The following CDH13 variants were observed in gnomAD, a reference collection of about 807,000 sequenced individuals.
CDH13 encodes cadherin 13.
Under a neutral mutation model 63.8 loss-of-function variants are expected in CDH13, and 24 were observed. The observed-to-expected ratio is 0.38, with a 90% CI of 0.27 to 0.53. The LOEUF is 0.53. Among genes scored for constraint, CDH13 ranks in the 20% least tolerant of loss-of-function variants. The pLI is 0.85. For synonymous variants in CDH13, 503 were observed against 355.3 expected (o/e 1.42, Z -4.67); for missense variants, 1,049 against 903.1 (o/e 1.16, Z -2.07).
chr16:82,683,301 T>A (rs1914743417), intron 1 of CDH13, among the ~76,000 whole-genome samples: 2 of 152,180 alleles, frequency 1.3e-5, no homozygotes, highest in African/African-American at 4.8e-5. Context: ...CTTTCTAGCT[T>A]GTCTGCTTAT....
intron 1 of CDH13, among the ~76,000 whole-genome samples, chr16:82,632,860 G>GTTTTTCT (rs1908184880): frequency 6.6e-6 from 1 of 152,088 alleles, no homozygotes; most frequent in Non-Finnish European, 1.5e-5. Context: ...GCCACTAGAT[G>GTTTTTCT]GTCCCATCTG....
chr16:83,216,399 T>TAA (rs1567513758), intron 4 of CDH13, among the ~76,000 whole-genome samples: 16 of 36,242 alleles, frequency 4.4e-4, no homozygotes, highest in Non-Finnish European at 3.3e-4. Context: ...AGCATTGAAA[T>TAA]ATATATATAT....
chr16:83,373,200 C>T (rs2091403625), intron 6 of CDH13, among the ~76,000 whole-genome samples: 1 of 152,122 alleles, frequency 6.6e-6, no homozygotes, highest in South Asian at 2.1e-4. Context: ...AAGCAGACGG[C>T]ATGCTCAAAC....
chr16:83,646,430 G>C (rs1911801041), intron 8 of CDH13, among the ~76,000 whole-genome samples: 1 of 152,158 alleles, frequency 6.6e-6, no homozygotes, highest in South Asian at 2.1e-4. Context: ...GCCGGACCCA[G>C]TGGTTCACAC....
intron 1 of CDH13, among the ~76,000 whole-genome samples, chr16:82,661,834 T>A (rs749029512): frequency 3.3e-5 from 5 of 152,220 alleles, no homozygotes; most frequent in Non-Finnish European, 5.9e-5. Context: ...ATGGACACAA[T>A]TTAGGAACAA....
At chr16:82,733,054 T>C (rs1217036241) in intron 1 of CDH13, among the ~76,000 whole-genome samples, 6 of 152,236 alleles carry the variant, frequency 3.9e-5, no homozygotes, top group Admixed American at 3.9e-4. Context: ...TCCACAGGCA[T>C]ACTCTGCAAT....
chr16:83,061,044 T>C (rs992430975), intron 3 of CDH13, among the ~76,000 whole-genome samples: 1 of 152,172 alleles, frequency 6.6e-6, no homozygotes, highest in Non-Finnish European at 1.5e-5. Context: ...GCACAAAGAA[T>C]ATAGGAATAA....
At chr16:82,728,059 T>A (rs559495407) in intron 1 of CDH13, among the ~76,000 whole-genome samples, 1 of 152,196 alleles carries the variant, frequency 6.6e-6, no homozygotes, top group African/African-American at 2.4e-5. Flanking sequence ...GTCTGCTTCC[T>A]CTGGAAAATG....
intron 2 of CDH13, among the ~76,000 whole-genome samples, chr16:82,958,980 G>A (rs1409333262): frequency 2.0e-5 from 3 of 152,230 alleles, no homozygotes; most frequent in Admixed American, 6.5e-5. Flanking sequence ...AATTTACAAC[G>A]TGCTTAGACT....
intron 1 of CDH13, among the ~76,000 whole-genome samples, chr16:82,776,120 G>A (rs1173473956): frequency 6.6e-6 from 1 of 152,132 alleles, no homozygotes; most frequent in Non-Finnish European, 1.5e-5. Context: ...TGAGGCATGA[G>A]AATCGCTTGA....
intron 10 of CDH13, among the ~76,000 whole-genome samples, chr16:83,741,687 A>T (rs1045810811): frequency 6.6e-6 from 1 of 152,160 alleles, no homozygotes; most frequent in Non-Finnish European, 1.5e-5. Context: ...ATTGCCCAAT[A>T]TTACTTTATG....
At chr16:83,510,305 G>A (rs1229122819) in intron 7 of CDH13, among the ~76,000 whole-genome samples, 2 of 152,124 alleles carry the variant, frequency 1.3e-5, no homozygotes, top group African/African-American at 4.8e-5. Flanking sequence ...ATCTTAGAAT[G>A]TAAAATATGA....
intron 4 of CDH13, among the ~76,000 whole-genome samples, chr16:83,157,139 A>C (rs2037240303): frequency 6.6e-6 from 1 of 152,168 alleles, no homozygotes; most frequent in Admixed American, 6.5e-5. Context: ...AGATTGTCTC[A>C]GAATTGACTT....
rs1597218828 is a variant in CDH13 at position 83,047,802 on chromosome 16, T to G, written c.366+15584T>G. Among the ~76,000 whole-genome samples the G allele has an allele frequency of 6.6e-6, 1 of 152,238 alleles. No homozygotes were observed. Among genetic ancestry groups the G allele is most frequent in the East Asian group, 1.9e-4 (1 of 5,198 alleles). On this transcript the variant is annotated intron_variant, in intron 3 of 13. Transcript: ENST00000567109. The surrounding 1 kb of genome is among the most constrained non-coding windows in gnomAD (Gnocchi z 4.9). ...TCAAACGTTGTGCGGGGCACCACTT[T>G]AAGTGCATTTCTTACATTAAGTCAT...
intron 1 of CDH13, among the ~76,000 whole-genome samples, chr16:82,827,223 CAG>C (rs954803013): frequency 6.6e-6 from 1 of 152,154 alleles, no homozygotes; most frequent in Non-Finnish European, 1.5e-5. Context: ...ATTTCCCAGA[CAG>C]AGAGAGAGTG....
intron 10 of CDH13, among the ~76,000 whole-genome samples, chr16:83,678,740 G>T (rs917123737): frequency 3.3e-5 from 5 of 152,258 alleles, no homozygotes; most frequent in Non-Finnish European, 5.9e-5. Flanking sequence ...CTGGCCCTGA[G>T]CACAGTCCTT....
chr16:83,194,571 G>A (rs2038819065), intron 4 of CDH13, among the ~76,000 whole-genome samples: 1 of 152,178 alleles, frequency 6.6e-6, no homozygotes, highest in African/African-American at 2.4e-5. Context: ...CATTTCTATA[G>A]CCGAAACAAT....
intron 7 of CDH13, among the ~76,000 whole-genome samples, chr16:83,590,903 CTTTTTTTT>C (rs34324940): frequency 1.1e-5 from 1 of 88,852 alleles, no homozygotes; most frequent in Non-Finnish European, 2.1e-5. Flanking sequence ...CCAGGGGATT[CTTTTTTTT>C]TTTTTTTTTT....
At chr16:83,622,180 A>T (rs1049437769) in intron 8 of CDH13, among the ~76,000 whole-genome samples, 5 of 152,114 alleles carry the variant, frequency 3.3e-5, no homozygotes, top group African/African-American at 1.2e-4. Context: ...TGACGTAGGT[A>T]CTCTTATTGT....
Sources: gnomAD v4.1 joint callset for allele counts (sites outside exome capture counted in the v4.1 genomes callset) on GRCh38, gnomAD v4.1.1 for gene constraint, Gnocchi (gnomAD v3.1) non-coding constraint, MANE v1.5 for transcripts, NCBI Gene and HGNC (gene_info 2026-07-23, HGNC 2026-07-21) for gene names.